Variants in CACNA2D3 observed in about 807,000 individuals in gnomAD.
The protein encoded by CACNA2D3 is calcium voltage-gated channel auxiliary subunit alpha2delta 3.
CACNA2D3 carries 60 observed loss-of-function variants against 160.6 expected under a neutral mutation model. That is an observed-to-expected ratio of 0.37 (90% CI 0.30 to 0.46). The LOEUF is 0.46. Among genes scored for constraint, CACNA2D3 ranks in the 20% least tolerant of loss-of-function variants. The pLI, the probability that CACNA2D3 is intolerant of heterozygous loss-of-function variation, is 1.00. For missense variants in CACNA2D3, 1,205 were observed against 1,365.0 expected (o/e 0.88, Z 1.85); for synonymous variants, 558 against 492.9 (o/e 1.13, Z -1.75).
At chr3:54,903,570 C>G (rs1201103303) in intron 27 of CACNA2D3, among the ~76,000 whole-genome samples, 2 of 152,170 alleles carry the variant, frequency 1.3e-5, no homozygotes, top group African/African-American at 4.8e-5. Flanking sequence ...CGGGTATATA[C>G]CCAGAAATGG....
chr3:54,886,708 C>T (rs1699932596), intron 23 of CACNA2D3, among the ~76,000 whole-genome samples: 1 of 151,548 alleles, frequency 6.6e-6, no homozygotes, highest in Non-Finnish European at 1.5e-5. Context: ...ATATATTAAA[C>T]TTTATGGTAT....
chr3:54,447,523 G>A (rs542963610), intron 4 of CACNA2D3, among the ~76,000 whole-genome samples: 1 of 152,358 alleles, frequency 6.6e-6, no homozygotes, highest in Admixed American at 6.5e-5. Flanking sequence ...GTGGTCTCAT[G>A]TGATGTGGCA....
intron 35 of CACNA2D3, among the ~76,000 whole-genome samples, chr3:55,063,109 T>C (rs1704552705): frequency 6.6e-6 from 1 of 152,212 alleles, no homozygotes; most frequent in Non-Finnish European, 1.5e-5. Flanking sequence ...AAGTGACATT[T>C]AATAAGTCTT....
chr3:54,876,136 A>T (rs762643616), intron 18 of CACNA2D3: 2 of 152,164 alleles, frequency 1.3e-5, no homozygotes, highest in Non-Finnish European at 2.9e-5. Context: ...AAATCCAAGC[A>T]GTGGCAAGTT....
At chr3:54,792,177 G>C (rs374114573) in intron 13 of CACNA2D3, among the ~76,000 whole-genome samples, 118 of 152,296 alleles carry the variant, frequency 7.7e-4, no homozygotes, top group African/African-American at 2.7e-3. Flanking sequence ...GCTCTGCACT[G>C]AAGGGTGAGC....
At chr3:54,380,043 G>T (rs1041871960) in intron 3 of CACNA2D3, among the ~76,000 whole-genome samples, 2 of 152,260 alleles carry the variant, frequency 1.3e-5, no homozygotes, top group African/African-American at 4.8e-5. Context: ...AGGACAGAGG[G>T]GAAGGAATCT....
chr3:54,512,221 G>C (rs1355807720), intron 5 of CACNA2D3, among the ~76,000 whole-genome samples: 2 of 152,106 alleles, frequency 1.3e-5, no homozygotes, highest in Non-Finnish European at 2.9e-5. Flanking sequence ...AGGGTGTGTG[G>C]TATGAATGTG....
intron 2 of CACNA2D3, among the ~76,000 whole-genome samples, chr3:54,265,569 A>G (rs1702487057): frequency 6.8e-6 from 1 of 146,684 alleles, no homozygotes; most frequent in African/African-American, 2.6e-5. Context: ...TAGTGTGTAT[A>G]TATATAGTGT....
intron 2 of CACNA2D3, among the ~76,000 whole-genome samples, chr3:54,196,296 A>G (rs943088019): frequency 1.3e-5 from 2 of 152,230 alleles, no homozygotes; most frequent in African/African-American, 4.8e-5. Context: ...AGTAAAGAAG[A>G]TGTCACAAAG....
At position 54,865,328 on chromosome 3, in the gene CACNA2D3, A is replaced by C. The variant is rs113924822; in HGVS notation, c.1627-6211A>C. Among the ~76,000 whole-genome samples the C allele has an allele frequency of 9.7e-3, 1,474 of 152,322 alleles. 32 individuals carry two copies. The highest frequency in any genetic ancestry group is 0.033 in the African/African-American group (1,383 of 41,562). ...TCAACAATGAGCCGTTATTACATGGATAAGAGGGGGAAAGTAAGGAAACAC... is the reference window on the plus strand; with the variant it reads ...TCAACAATGAGCCGTTATTACATGGCTAAGAGGGGGAAAGTAAGGAAACAC... On this transcript the variant is annotated intron_variant, in intron 17 of 37. Transcript: ENST00000474759.
At chr3:54,819,794 G>T (rs1186037) in intron 14 of CACNA2D3, among the ~76,000 whole-genome samples, 1 of 151,186 alleles carries the variant, frequency 6.6e-6, no homozygotes, top group African/African-American at 2.4e-5. Context: ...GCAGTGAGCC[G>T]AGATCACACT....
chr3:54,903,560 C>A (rs544115641), intron 27 of CACNA2D3, among the ~76,000 whole-genome samples: 4 of 152,156 alleles, frequency 2.6e-5, no homozygotes, highest in Non-Finnish European at 5.9e-5. Flanking sequence ...TATATTCCTT[C>A]GGGTATATAC....
chr3:54,497,614 G>C (rs1308714256), intron 4 of CACNA2D3, among the ~76,000 whole-genome samples: 1 of 151,852 alleles, frequency 6.6e-6, no homozygotes, highest in Non-Finnish European at 1.5e-5. Context: ...TTGTCTTACA[G>C]TATTTGCCAG....
intron 32 of CACNA2D3, among the ~76,000 whole-genome samples, chr3:55,007,451 C>T (rs1703122253): frequency 6.6e-6 from 1 of 152,148 alleles, no homozygotes; most frequent in Admixed American, 6.5e-5. Context: ...TGATTCCAGC[C>T]CCCTCAGCAT....
chr3:54,789,472 G>A (rs1259131888), intron 13 of CACNA2D3, among the ~76,000 whole-genome samples: 2 of 152,220 alleles, frequency 1.3e-5, no homozygotes, highest in African/African-American at 4.8e-5. Flanking sequence ...GTATGATCAT[G>A]TGCTTGGTGC....
rs750748267 is a variant in CACNA2D3 at position 55,004,833 on chromosome 3, C to G, written c.2761C>G (p.Leu921Val). The change falls in exon 32 of 38, where the codon CTG (leucine) becomes GTG (valine). Residue 921 changes from leucine to valine, a missense_variant. Leu to Val is a conservative substitution (Grantham distance 32, BLOSUM62 1). Transcript: ENST00000474759. ...AAGCAGCGATGGCGCCCATGGCCTCCTGGATGTAAGTACTATGCTGTCACT... is the reference window on the plus strand; with the variant it reads ...AAGCAGCGATGGCGCCCATGGCCTCGTGGATGTAAGTACTATGCTGTCACT... Reference protein sequence around the residue: ...KESSDGAHGLLDPYNAFLSAV... With the variant: ...KESSDGAHGLVDPYNAFLSAV... 2 of 1,612,126 alleles carry G rather than the reference C, an allele frequency of 1.2e-6. No homozygotes were observed. Among genetic ancestry groups the G allele is most frequent in the African/African-American group, 2.7e-5 (2 of 74,978 alleles).
intron 9 of CACNA2D3, among the ~76,000 whole-genome samples, chr3:54,584,665 A>G (rs1162346153): frequency 6.6e-6 from 1 of 152,230 alleles, no homozygotes; most frequent in Non-Finnish European, 1.5e-5. Flanking sequence ...AGGTGTAAGC[A>G]TACATATTCA....
At chr3:54,640,104 T>A (rs1699482230) in intron 10 of CACNA2D3, among the ~76,000 whole-genome samples, 1 of 152,194 alleles carries the variant, frequency 6.6e-6, no homozygotes, top group Admixed American at 6.5e-5. Flanking sequence ...GCAGGGCATA[T>A]TCACTTCTTT....
chr3:54,889,825 C>T (rs1181846138), intron 24 of CACNA2D3, among the ~76,000 whole-genome samples: 1 of 152,148 alleles, frequency 6.6e-6, no homozygotes, highest in Non-Finnish European at 1.5e-5. Flanking sequence ...CTCTAGTAAA[C>T]CTTGTAGTGT....
Sources: gnomAD v4.1 joint callset for allele counts (sites outside exome capture counted in the v4.1 genomes callset) on GRCh38, gnomAD v4.1.1 for gene constraint, MANE v1.5 for transcripts, NCBI Gene and HGNC (gene_info 2026-07-23, HGNC 2026-07-21) for gene names.